IL1RAPL2: variants seen among roughly 807,000 people sequenced by gnomAD.
The protein encoded by IL1RAPL2 is X-linked interleukin-1 receptor accessory protein-like 2.
A neutral mutation model predicts 44.1 loss-of-function variants in IL1RAPL2; 3 were observed. That is an observed-to-expected ratio of 0.07 (90% CI 0.03 to 0.18). The LOEUF is 0.18. IL1RAPL2 is among the 10% of genes least tolerant of loss of function. IL1RAPL2 has a pLI of 1.00. For synonymous variants in IL1RAPL2, 181 were observed against 178.8 expected (o/e 1.01, Z -0.10); for missense variants, 391 against 496.4 (o/e 0.79, Z 2.02).
At chrX:104,653,514 T>A (rs1930192296) in intron 1 of IL1RAPL2, among the ~76,000 whole-genome samples, 1 of 111,657 alleles carries the variant, frequency 9.0e-6, no homozygotes, top group Non-Finnish European at 1.9e-5. Flanking sequence ...AAGCCTGTTT[T>A]CCTTGTCAAA....
Position 104,733,178 on chromosome X carries a change from C to T in IL1RAPL2, c.82+74183C>T, listed in dbSNP as rs1160398500. On this transcript the variant is annotated intron_variant, in intron 2 of 10. Transcript: ENST00000372582. ...ACCATTTGAGACAAAGTAATCTTGC[C>T]TGCTATCACTACCTCTAAGCAACAG... 8.1e-5 allele frequency among the ~76,000 whole-genome samples: 9 copies of T among 111,501 alleles called. No homozygotes were observed. The East Asian group carries it at 2.5e-3, about 31-fold the overall frequency.
At chrX:104,928,322 T>C (rs1924820524) in intron 2 of IL1RAPL2, among the ~76,000 whole-genome samples, 1 of 111,983 alleles carries the variant, frequency 8.9e-6, no homozygotes, top group Admixed American at 9.5e-5. Flanking sequence ...TAGTCCAGCT[T>C]ATTCCGGTTC....
rs193150315 is a variant in IL1RAPL2, at chrX:104,607,269, C to A, written c.-20+40218C>A. Among the ~76,000 whole-genome samples the A allele has an allele frequency of 2.2e-4, 25 of 112,316 alleles. No homozygotes were observed. In the East Asian group the frequency reaches 7.0e-3, roughly 31 times the overall value. On this transcript the variant is annotated intron_variant, in intron 1 of 10. Coordinates refer to ENST00000372582, the MANE Select transcript of IL1RAPL2 (RefSeq NM_017416.2). ...TGGGTTAAAGACTTAAATGTAAGAA[C>A]CAGGACCATAAAAATCCTCGAAGAA...
chrX:105,528,112 G>C (rs2036606710), intron 6 of IL1RAPL2, among the ~76,000 whole-genome samples: 1 of 112,157 alleles, frequency 8.9e-6, no homozygotes, highest in Non-Finnish European at 1.9e-5. Flanking sequence ...ATCAATACTT[G>C]TGAGTTTCCA....
intron 2 of IL1RAPL2, among the ~76,000 whole-genome samples, chrX:104,919,220 C>T (rs867924120): frequency 7.2e-4 from 23 of 31,806 alleles, no homozygotes; most frequent in Non-Finnish European, 1.5e-3. Context: ...GGCACTTTTT[C>T]TTTCTTTTTT....
chrX:104,570,944 G>A (rs746693301), intron 1 of IL1RAPL2, among the ~76,000 whole-genome samples: 2 of 100,899 alleles, frequency 2.0e-5, no homozygotes, highest in African/African-American at 7.2e-5. Flanking sequence ...GCAAACTTTT[G>A]TTTTTTTTTT....
At chrX:104,740,678 G>A (rs5917134) in intron 2 of IL1RAPL2, among the ~76,000 whole-genome samples, 41,026 of 109,153 alleles carry the variant, frequency 0.38, 5,955 homozygotes, top group East Asian at 0.47. Flanking sequence ...TCAACTCTAC[G>A]TTTGATTGGC....
chrX:105,334,926 A>T (rs936094121), intron 5 of IL1RAPL2, among the ~76,000 whole-genome samples: 17 of 111,196 alleles, frequency 1.5e-4, no homozygotes, highest in Non-Finnish European at 3.0e-4. Context: ...ATAAATATAT[A>T]TTTTATATAG....
intron 5 of IL1RAPL2, among the ~76,000 whole-genome samples, chrX:105,355,124 A>G (rs2035192043): frequency 9.0e-6 from 1 of 111,083 alleles, no homozygotes; most frequent in Non-Finnish European, 1.9e-5. Flanking sequence ...TTTTTTACCT[A>G]CCGGCCGCTT....
intron 2 of IL1RAPL2, among the ~76,000 whole-genome samples, chrX:104,686,209 C>G (rs996550657): frequency 9.0e-6 from 1 of 111,276 alleles, no homozygotes; most frequent in South Asian, 3.8e-4. Flanking sequence ...TATTATTTCT[C>G]TTATTTCACT....
chrX:105,072,084 G>T (rs1344471532), intron 2 of IL1RAPL2, among the ~76,000 whole-genome samples: 1 of 111,128 alleles, frequency 9.0e-6, no homozygotes, highest in Non-Finnish European at 1.9e-5. Flanking sequence ...GGGACTGGGT[G>T]GGAGGTGATT....
At chrX:105,289,176 AC>A (rs1460905022) in intron 5 of IL1RAPL2, among the ~76,000 whole-genome samples, 6 of 111,321 alleles carry the variant, frequency 5.4e-5, no homozygotes, top group Admixed American at 1.9e-4. Flanking sequence ...TTAAGGAACA[AC>A]CAGGAGGCTG....
intron 2 of IL1RAPL2, among the ~76,000 whole-genome samples, chrX:105,001,907 A>G (rs73533348): frequency 0.055 from 6,108 of 111,092 alleles, 433 homozygotes; most frequent in African/African-American, 0.19. Flanking sequence ...AGAATGAAAG[A>G]TGATGTGAAA....
At chrX:104,906,797 G>T (rs1924025120) in intron 2 of IL1RAPL2, among the ~76,000 whole-genome samples, 1 of 111,750 alleles carries the variant, frequency 8.9e-6, no homozygotes, top group African/African-American at 3.3e-5. Flanking sequence ...CCTGGCTTTG[G>T]TATCAGAATG....
chrX:105,639,935 C>T (rs2037552494), intron 6 of IL1RAPL2, among the ~76,000 whole-genome samples: 1 of 111,434 alleles, frequency 9.0e-6, no homozygotes, highest in African/African-American at 3.3e-5. Flanking sequence ...TCATTGGTTT[C>T]TCATTACAGC....
intron 2 of IL1RAPL2, among the ~76,000 whole-genome samples, chrX:104,917,007 C>G (rs914111595): frequency 2.0e-4 from 22 of 111,753 alleles, no homozygotes; most frequent in African/African-American, 6.8e-4. Flanking sequence ...TGATGTTCAT[C>G]AAAGATATTG....
chrX:104,680,991 C>A (rs747098381), intron 2 of IL1RAPL2, among the ~76,000 whole-genome samples: 1 of 112,083 alleles, frequency 8.9e-6, no homozygotes, highest in Non-Finnish European at 1.9e-5. Flanking sequence ...TGGGACAGTT[C>A]TTATCTTTTT....
intron 2 of IL1RAPL2, among the ~76,000 whole-genome samples, chrX:105,083,917 A>G (rs1393878228): frequency 1.8e-5 from 2 of 112,042 alleles, no homozygotes; most frequent in African/African-American, 6.5e-5. Context: ...TAATAAGCAA[A>G]ATAACCAGCT....
At chrX:105,108,053 C>T (rs1167257410) in intron 2 of IL1RAPL2, among the ~76,000 whole-genome samples, 8 of 110,508 alleles carry the variant, frequency 7.2e-5, no homozygotes, top group Non-Finnish European at 1.5e-4. Context: ...TTTTCTAGAC[C>T]CTCTTTATTC....
Sources: gnomAD v4.1 joint callset for allele counts (sites outside exome capture counted in the v4.1 genomes callset) on GRCh38, gnomAD v4.1.1 for gene constraint, MANE v1.5 for transcripts, NCBI Gene and HGNC (gene_info 2026-07-23, HGNC 2026-07-21) for gene names.